Variants in PPEF1 observed in about 807,000 individuals in gnomAD.
The protein encoded by PPEF1 is protein phosphatase with EF-hand domain 1.
Under a neutral mutation model 53.3 loss-of-function variants are expected in PPEF1, and 12 were observed. The observed-to-expected ratio is 0.23, with a 90% CI of 0.14 to 0.36. PPEF1 has a LOEUF of 0.36. Among genes scored for constraint, PPEF1 ranks in the 10% least tolerant of loss-of-function variants. The pLI is 1.00. For synonymous variants in PPEF1, 165 were observed against 176.7 expected (o/e 0.93, Z 0.52); for missense variants, 334 against 490.4 (o/e 0.68, Z 3.01).
chrX:18,740,490 A>C (rs1372384995), intron 3 of PPEF1, among the ~76,000 whole-genome samples: 3 of 108,008 alleles, frequency 2.8e-5, no homozygotes, highest in Non-Finnish European at 5.8e-5. Context: ...GCTCACTGCA[A>C]CCTCTGCCTC....
At chrX:18,732,766 C>T (rs1184180758) in intron 2 of PPEF1, among the ~76,000 whole-genome samples, 1 of 112,345 alleles carries the variant, frequency 8.9e-6, no homozygotes, top group Admixed American at 9.5e-5. Flanking sequence ...AAATGCAGGT[C>T]TTTGCAGATA....
At chrX:18,776,209 GTGGT>G (rs564617999) in intron 6 of PPEF1, among the ~76,000 whole-genome samples, 1,954 of 103,624 alleles carry the variant, frequency 0.019, 56 homozygotes, top group Admixed American at 0.1. Flanking sequence ...CCCTTTCTTT[GTGGT>G]TGGTTGGTTG....
chrX:18,778,605 G>A (rs2046016082), intron 6 of PPEF1, among the ~76,000 whole-genome samples: 2 of 111,319 alleles, frequency 1.8e-5, no homozygotes, highest in African/African-American at 6.5e-5. Context: ...TGACCATAGG[G>A]CCCCTTAGAA....
chrX:18,730,328 C>T lies in PPEF1; in HGVS notation c.174+20C>T. 1 of 1,196,180 alleles carries T rather than the reference C, an allele frequency of 8.4e-7. No individual in the cohort carries two copies. Among genetic ancestry groups the T allele is most frequent in the South Asian group, 1.8e-5 (1 of 54,948 alleles). On this transcript the variant is annotated intron_variant, in intron 2 of 15. Coordinates refer to ENST00000470157, the MANE Select transcript of PPEF1 (RefSeq NM_001377996.1). ...ATGCAGGTCTGTTTTGCAAGCTTTT[C>T]TCTTCTTTTGATAAAATGATTCTCT...
At chrX:18,737,118 C>G (rs1190819171) in intron 3 of PPEF1, among the ~76,000 whole-genome samples, 4 of 111,799 alleles carry the variant, frequency 3.6e-5, no homozygotes, top group South Asian at 7.4e-4. Flanking sequence ...TTTTGTGTCT[C>G]TATTTCCTTC....
chrX:18,698,267 G>A (rs1929844118), intron 5 of PPEF1, among the ~76,000 whole-genome samples: 1 of 112,210 alleles, frequency 8.9e-6, no homozygotes, highest in African/African-American at 3.2e-5. Flanking sequence ...TAACATTTCA[G>A]TGTTCTTTCT....
chrX:18,715,000 C>G (rs748843575), intron 1 of PPEF1, among the ~76,000 whole-genome samples: 3 of 111,901 alleles, frequency 2.7e-5, no homozygotes, highest in Non-Finnish European at 5.6e-5. Context: ...TGGAGTATCA[C>G]GGCAGTTTGA....
chrX:18,776,593 C>T (rs1602439482), intron 6 of PPEF1, among the ~76,000 whole-genome samples: 1 of 111,285 alleles, frequency 9.0e-6, no homozygotes. Context: ...TACACTAAGC[C>T]CAGTGTGAAT....
At chrX:18,696,791 C>T (rs1929749820) in intron 4 of PPEF1, among the ~76,000 whole-genome samples, 2 of 111,005 alleles carry the variant, frequency 1.8e-5, no homozygotes, top group African/African-American at 6.6e-5. Context: ...GCTGGGAGGC[C>T]AGCCCTGTCT....
At chrX:18,717,067 CTT>C (rs113154046) in intron 1 of PPEF1, among the ~76,000 whole-genome samples, 3 of 89,018 alleles carry the variant, frequency 3.4e-5, no homozygotes, top group Non-Finnish European at 4.5e-5. Context: ...TTCCTTTTTC[CTT>C]TTTTTTTTTT....
intron 6 of PPEF1, among the ~76,000 whole-genome samples, chrX:18,772,230 T>G (rs1397426612): frequency 2.9e-4 from 32 of 110,990 alleles, no homozygotes; most frequent in Non-Finnish European, 5.7e-5. Context: ...AAGGTTTTTA[T>G]CTTCATGTTG....
chrX:18,722,645 T>C (rs976620777), intron 1 of PPEF1, among the ~76,000 whole-genome samples: 1 of 112,485 alleles, frequency 8.9e-6, no homozygotes, highest in Non-Finnish European at 1.9e-5. Context: ...ATTCCTGCTA[T>C]GTTCCAGAGA....
intron 1 of PPEF1, among the ~76,000 whole-genome samples, chrX:18,722,180 T>G (rs1384269917): frequency 3.6e-5 from 4 of 112,605 alleles, no homozygotes; most frequent in Non-Finnish European, 7.5e-5. Flanking sequence ...TAATGAAGAC[T>G]GTGGTCCTAG....
At chrX:18,762,480 C>T (rs1407948934) in intron 6 of PPEF1, among the ~76,000 whole-genome samples, 1 of 111,691 alleles carries the variant, frequency 9.0e-6, no homozygotes, top group African/African-American at 3.3e-5. Flanking sequence ...GGATCTCGCA[C>T]AAGAAAGAAT....
chrX:18,759,433 C>G (rs889873968), intron 5 of PPEF1, among the ~76,000 whole-genome samples: 1 of 111,260 alleles, frequency 9.0e-6, no homozygotes, highest in Non-Finnish European at 1.9e-5. Flanking sequence ...ACATGTACAT[C>G]TAAATATGCC....
chrX:18,793,522 A>G (rs1320059902), intron 10 of PPEF1, among the ~76,000 whole-genome samples: 1 of 110,834 alleles, frequency 9.0e-6, no homozygotes, highest in African/African-American at 3.3e-5. Flanking sequence ...TATCCCGGAG[A>G]ATGCTCCATG....
At chrX:18,777,119 A>G (rs759894131) in intron 6 of PPEF1, among the ~76,000 whole-genome samples, 59 of 112,428 alleles carry the variant, frequency 5.2e-4, no homozygotes, top group African/African-American at 1.9e-3. Context: ...ACTACAGCTC[A>G]TAAAGGTTAC....
In PPEF1 at chrX:18,821,794, AGAGAGAG is replaced by A. The variant is rs1569273862; in HGVS notation, c.1502-2128_1502-2122del. Among the ~76,000 whole-genome samples the A allele has an allele frequency of 2.5e-3, 46 of 18,109 alleles. 1 individual carries two copies. The highest frequency in any genetic ancestry group is 0.029 in the Middle Eastern group (1 of 35). 15.7% of individuals were successfully genotyped at this position (18,109 alleles called of 115,157 possible). Reference sequence around the variant, plus strand: ...GAGAGAGAGAGAGAGAGAGAGAGAGAGAGAGAGAGAAAACAAATAACCAGTGCAAGTG... The same window carrying A: ...GAGAGAGAGAGAGAGAGAGAGAGAGAAGAAAACAAATAACCAGTGCAAGTG... On this transcript the variant is annotated intron_variant, in intron 13 of 15. Transcript: ENST00000470157.
chrX:18,781,661 G>A (rs2046088216), intron 7 of PPEF1, among the ~76,000 whole-genome samples: 1 of 111,787 alleles, frequency 8.9e-6, no homozygotes, highest in Non-Finnish European at 1.9e-5. Context: ...CACTGTAGAA[G>A]CCTGATGTGA....
Sources: gnomAD v4.1 joint callset for allele counts (sites outside exome capture counted in the v4.1 genomes callset) on GRCh38, gnomAD v4.1.1 for gene constraint, MANE v1.5 for transcripts, NCBI Gene and HGNC (gene_info 2026-07-23, HGNC 2026-07-21) for gene names.